Variants in CNTNAP2 observed in about 807,000 individuals in gnomAD.
The protein encoded by CNTNAP2 is contactin associated protein 2, also known as contactin-associated protein-like 2.
Under a neutral mutation model 155.2 loss-of-function variants are expected in CNTNAP2, and 98 were observed. That is an observed-to-expected ratio of 0.63 (90% CI 0.54 to 0.75). CNTNAP2 has a LOEUF of 0.75. CNTNAP2 is among the 30% of genes least tolerant of loss of function. CNTNAP2 has a pLI of 0.00. For missense variants in CNTNAP2, 1,727 were observed against 1,688.1 expected (o/e 1.02, Z -0.40); for synonymous variants, 651 against 631.2 (o/e 1.03, Z -0.47).
chr7:147,317,475 G>A (rs1795252695), intron 9 of CNTNAP2, among the ~76,000 whole-genome samples: 1 of 152,160 alleles, frequency 6.6e-6, no homozygotes, highest in Admixed American at 6.5e-5. Context: ...CATCATGTTG[G>A]CCTTCCTTGA....
At chr7:147,424,146 C>T (rs1434637660) in intron 10 of CNTNAP2, among the ~76,000 whole-genome samples, 2 of 152,080 alleles carry the variant, frequency 1.3e-5, no homozygotes, top group Admixed American at 1.3e-4. Flanking sequence ...TTCCTCCTCT[C>T]CCCCAATACC....
At chr7:148,255,489 T>A (rs988296417) in intron 20 of CNTNAP2, among the ~76,000 whole-genome samples, 1 of 152,234 alleles carries the variant, frequency 6.6e-6, no homozygotes, top group African/African-American at 2.4e-5. Context: ...GTTTTTCCAG[T>A]AGGTGGAGTA....
At chr7:148,152,617 C>G (rs1805317085) in intron 17 of CNTNAP2, among the ~76,000 whole-genome samples, 2 of 152,196 alleles carry the variant, frequency 1.3e-5, no homozygotes, top group African/African-American at 4.8e-5. Flanking sequence ...GTTCAGGCCT[C>G]TCCCATAATT....
chr7:148,393,850 CATTT>C (rs1799408197), intron 22 of CNTNAP2, among the ~76,000 whole-genome samples: 1 of 151,872 alleles, frequency 6.6e-6, no homozygotes, highest in Non-Finnish European at 1.5e-5. Context: ...GTTTATATAT[CATTT>C]ATATTTATTT....
chr7:146,862,091 G>A (rs1171260673), intron 3 of CNTNAP2, among the ~76,000 whole-genome samples: 2 of 152,150 alleles, frequency 1.3e-5, no homozygotes, highest in African/African-American at 4.8e-5. Flanking sequence ...GAAAATGATA[G>A]ATGCAGGCGC....
intron 1 of CNTNAP2, among the ~76,000 whole-genome samples, chr7:146,554,221 A>G (rs1056639513): frequency 2.6e-5 from 4 of 152,148 alleles, no homozygotes; most frequent in Non-Finnish European, 4.4e-5. Flanking sequence ...CCAGTGCTTT[A>G]ACTTGAACTA....
intron 8 of CNTNAP2, among the ~76,000 whole-genome samples, chr7:147,297,718 A>G (rs914708672): frequency 1.3e-5 from 2 of 152,218 alleles, no homozygotes; most frequent in Non-Finnish European, 2.9e-5. Flanking sequence ...TCAGTTATAC[A>G]TTTATAAAGA....
At chr7:146,127,759 G>C (rs998638053) in intron 1 of CNTNAP2, among the ~76,000 whole-genome samples, 8 of 152,160 alleles carry the variant, frequency 5.3e-5, no homozygotes, top group Non-Finnish European at 1.2e-4. Context: ...CATCTAACAA[G>C]TACTTTAAAT....
chr7:147,153,011 A>G (rs1448382084), intron 8 of CNTNAP2, among the ~76,000 whole-genome samples: 2 of 151,966 alleles, frequency 1.3e-5, no homozygotes, highest in Non-Finnish European at 2.9e-5. Context: ...GCTCTGGAGT[A>G]CTTTTACAAT....
Position 147,751,109 on chromosome 7 carries a change from A to AC in CNTNAP2, c.2098+111803_2098+111804insC, listed in dbSNP as rs1254570242. 7.6e-4 allele frequency among the ~76,000 whole-genome samples: 115 copies of AC among 151,696 alleles called. 2 individuals are homozygous for AC. The highest frequency in any genetic ancestry group is 3.4e-3 in the Middle Eastern group (1 of 294). On this transcript the variant is annotated intron_variant, in intron 13 of 23. Coordinates refer to ENST00000361727, the MANE Select transcript of CNTNAP2 (RefSeq NM_014141.6). ...AAAAAATTTCCAGGCTTTGAAGAAA[A>AC]AGGCTAGAAGTTCTGCCACAATTAG...
chr7:146,197,113 GT>G (rs1798788538), intron 1 of CNTNAP2, among the ~76,000 whole-genome samples: 1 of 152,022 alleles, frequency 6.6e-6, no homozygotes, highest in Admixed American at 6.5e-5. Flanking sequence ...AGGTTGAAAA[GT>G]TTTTCCACTT....
chr7:146,520,591 C>T (rs1171753790), intron 1 of CNTNAP2, among the ~76,000 whole-genome samples: 1 of 151,554 alleles, frequency 6.6e-6, no homozygotes, highest in Non-Finnish European at 1.5e-5. Context: ...CTTCCTAGGT[C>T]GTCTTTTTAC....
At chr7:148,231,858 A>G (rs1795968158) in intron 20 of CNTNAP2, among the ~76,000 whole-genome samples, 1 of 152,156 alleles carries the variant, frequency 6.6e-6, no homozygotes, top group South Asian at 2.1e-4. Context: ...CCCTCAAAAG[A>G]ACAGAATGCA....
intron 8 of CNTNAP2, among the ~76,000 whole-genome samples, chr7:147,289,512 C>A (rs1805256077): frequency 2.6e-5 from 4 of 152,042 alleles, no homozygotes; most frequent in South Asian, 4.2e-4. Context: ...GGAAGGAAGG[C>A]AGGCATCTGC....
intron 21 of CNTNAP2, among the ~76,000 whole-genome samples, chr7:148,296,633 G>C (rs998854102): frequency 1.3e-5 from 2 of 151,270 alleles, no homozygotes; most frequent in East Asian, 3.9e-4. Flanking sequence ...TGAGAAAGCA[G>C]GTATTTGTTT....
chr7:147,085,352 T>C (rs1441745736), intron 4 of CNTNAP2, among the ~76,000 whole-genome samples: 4 of 152,130 alleles, frequency 2.6e-5, no homozygotes, highest in Admixed American at 2.6e-4. Context: ...GGCAAGCGAA[T>C]GTTCCCACCT....
intron 13 of CNTNAP2, among the ~76,000 whole-genome samples, chr7:147,660,371 T>C (rs1446970676): frequency 6.6e-6 from 1 of 152,170 alleles, no homozygotes; most frequent in Non-Finnish European, 1.5e-5. Context: ...GATTTTCAGA[T>C]TACTCTTAGC....
intron 21 of CNTNAP2, among the ~76,000 whole-genome samples, chr7:148,319,326 T>C (rs536713414): frequency 3.3e-5 from 5 of 152,238 alleles, no homozygotes; most frequent in Non-Finnish European, 7.3e-5. Context: ...TGTGATCCTA[T>C]ATCTTTATCA....
chr7:147,603,963 C>A (rs951967063), intron 12 of CNTNAP2, among the ~76,000 whole-genome samples: 1 of 151,288 alleles, frequency 6.6e-6, no homozygotes, highest in Non-Finnish European at 1.5e-5. Flanking sequence ...GAAAAACAAG[C>A]AATGGGGAAA....
Sources: gnomAD v4.1 joint callset for allele counts (sites outside exome capture counted in the v4.1 genomes callset) on GRCh38, gnomAD v4.1.1 for gene constraint, MANE v1.5 for transcripts, NCBI Gene and HGNC (gene_info 2026-07-23, HGNC 2026-07-21) for gene names.